Variants in LRRC20 observed in about 807,000 individuals in gnomAD.
The protein encoded by LRRC20 is leucine rich repeat containing 20.
LRRC20 carries 11 observed loss-of-function variants against 14.4 expected under a neutral mutation model. That is an observed-to-expected ratio of 0.77 (90% CI 0.48 to 1.27). The LOEUF is 1.27. Among genes scored for constraint, LRRC20 ranks in the 50% most tolerant of loss-of-function variants. The pLI is 0.00. For synonymous variants in LRRC20, 121 were observed against 107.3 expected (o/e 1.13, Z -0.79); for missense variants, 219 against 251.2 (o/e 0.87, Z 0.87).
chr10:70,367,549 A>C (rs1049102252), intron 2 of LRRC20, among the ~76,000 whole-genome samples: 1 of 152,104 alleles, frequency 6.6e-6, no homozygotes, highest in Admixed American at 6.6e-5. Flanking sequence ...TTCCCACCAA[A>C]CATGGATGAA....
chr10:70,375,890 T>C (rs1844490819), intron 2 of LRRC20, among the ~76,000 whole-genome samples: 1 of 152,202 alleles, frequency 6.6e-6, no homozygotes, highest in Non-Finnish European at 1.5e-5. Flanking sequence ...CTTAGGAGTC[T>C]TGGGGTAATT....
rs763267435 is a variant in LRRC20, at chr10:70,320,723, G to A, written c.400+3140C>T. Among the ~76,000 whole-genome samples, 8 of 152,266 alleles carry A rather than the reference G, an allele frequency of 5.3e-5. No individual in the cohort carries two copies. In the South Asian group the frequency reaches 8.3e-4, roughly 16 times the overall value. On this transcript the variant is annotated intron_variant, in intron 4 of 4. Coordinates refer to ENST00000446961, the MANE Select transcript of LRRC20 (RefSeq NM_001278212.2). ...CAAGGTGGCAACAAAAGCCATCCAC[G>A]TGCCACACAGACCTGAAACGTGAGG...
chr10:70,359,536 G>C (rs549764383), intron 2 of LRRC20, among the ~76,000 whole-genome samples: 1 of 152,264 alleles, frequency 6.6e-6, no homozygotes, highest in Admixed American at 6.5e-5. Flanking sequence ...GTGAGACCTT[G>C]TCTCAAAATT....
chr10:70,318,301 T>C (rs1006954408), intron 4 of LRRC20, among the ~76,000 whole-genome samples: 1 of 152,182 alleles, frequency 6.6e-6, no homozygotes, highest in Non-Finnish European at 1.5e-5. Context: ...GGCCAGGGAA[T>C]GTGCATTTCT....
chr10:70,336,295 C>T (rs1419277687), intron 3 of LRRC20, among the ~76,000 whole-genome samples: 1 of 152,170 alleles, frequency 6.6e-6, no homozygotes, highest in Non-Finnish European at 1.5e-5. Flanking sequence ...AATATACAAA[C>T]AGGCAATGAC....
At chr10:70,382,230 G>T (rs1211198292) in intron 1 of LRRC20, among the ~76,000 whole-genome samples, 1 of 152,222 alleles carries the variant, frequency 6.6e-6, no homozygotes. Flanking sequence ...GAGGAATGGA[G>T]GCCCGCCTGG....
At chr10:70,326,941 G>A (rs1185890804) in intron 3 of LRRC20, among the ~76,000 whole-genome samples, 1 of 152,218 alleles carries the variant, frequency 6.6e-6, no homozygotes, top group Non-Finnish European at 1.5e-5. Context: ...TTACAGGCGT[G>A]AGCCACCGCG....
In LRRC20 at chr10:70,369,934, G is replaced by A. The variant is rs570612140; in HGVS notation, c.82+6518C>T. Among the ~76,000 whole-genome samples the A allele has an allele frequency of 9.2e-5, 14 of 152,162 alleles. No individual in the cohort carries two copies. In the South Asian group the frequency reaches 2.9e-3, roughly 32 times the overall value. On this transcript the variant is annotated intron_variant, in intron 2 of 4. Coordinates refer to ENST00000446961, the MANE Select transcript of LRRC20 (RefSeq NM_001278212.2). ...ATCTCTGCTAAATATACAAAAGTTAGCTGGGCATGGTGGCAGGTGCCCAGC... is the reference window on the plus strand; with the variant it reads ...ATCTCTGCTAAATATACAAAAGTTAACTGGGCATGGTGGCAGGTGCCCAGC...
intron 3 of LRRC20, among the ~76,000 whole-genome samples, chr10:70,325,472 C>A (rs1842283399): frequency 6.6e-6 from 1 of 152,180 alleles, no homozygotes; most frequent in African/African-American, 2.4e-5. Context: ...CAGGGTGGAG[C>A]ACGCAGGCAA....
chr10:70,330,641 C>T (rs187615018), intron 3 of LRRC20, among the ~76,000 whole-genome samples: 131 of 152,292 alleles, frequency 8.6e-4, no homozygotes, highest in African/African-American at 3.0e-3. Flanking sequence ...GGAAGCATTC[C>T]ACAGAAAGGC....
Position 70,327,133 on chromosome 10 carries a change from C to T in LRRC20, c.233-3103G>A, listed in dbSNP as rs1400864100. Among the ~76,000 whole-genome samples, 6 of 152,148 alleles carry T rather than the reference C, an allele frequency of 3.9e-5. No homozygotes were observed. In the East Asian group the frequency reaches 9.6e-4, roughly 24 times the overall value. Reference sequence around the variant, plus strand: ...TCTTGGGGGTCATGGCCGATGCGGCCGTGGAAGCTAATGTGGGGGCTGTGA... The same window carrying T: ...TCTTGGGGGTCATGGCCGATGCGGCTGTGGAAGCTAATGTGGGGGCTGTGA... On this transcript the variant is annotated intron_variant, in intron 3 of 4. Transcript: ENST00000446961.
chr10:70,335,296 G>C (rs1187937133), intron 3 of LRRC20, among the ~76,000 whole-genome samples: 3 of 152,168 alleles, frequency 2.0e-5, no homozygotes, highest in Non-Finnish European at 2.9e-5. Context: ...AGTTCCACCA[G>C]GCTGTGTTAC....
chr10:70,308,746 G>A (rs970184586), intron 4 of LRRC20, among the ~76,000 whole-genome samples: 9 of 152,168 alleles, frequency 5.9e-5, no homozygotes, highest in Admixed American at 5.2e-4. Context: ...AAAAGACGCA[G>A]AGACAGGCTG....
intron 1 of LRRC20, among the ~76,000 whole-genome samples, chr10:70,381,181 G>A (rs1844692467): frequency 6.6e-6 from 1 of 152,212 alleles, no homozygotes; most frequent in Non-Finnish European, 1.5e-5. Flanking sequence ...TTGTAAAATG[G>A]AAATACCACC....
intron 1 of LRRC20, among the ~76,000 whole-genome samples, chr10:70,380,007 C>A (rs541241086): frequency 6.6e-6 from 1 of 152,162 alleles, no homozygotes; most frequent in African/African-American, 2.4e-5. Flanking sequence ...AGAGTTCAGG[C>A]GGTAATGCTT....
intron 3 of LRRC20, among the ~76,000 whole-genome samples, chr10:70,334,466 C>T (rs1842647644): frequency 6.6e-6 from 1 of 152,162 alleles, no homozygotes; most frequent in Non-Finnish European, 1.5e-5. Flanking sequence ...CCAGGGGACA[C>T]TCCCCGTCTC....
intron 2 of LRRC20, 138 bp downstream of exon 2, chr10:70,376,314 G>A: frequency 1.2e-6 from 1 of 839,542 alleles, no homozygotes; most frequent in South Asian, 1.6e-5. Flanking sequence ...ACACACTGTT[G>A]CAATGAAAGT....
At chr10:70,324,401 C>T (rs1842235257) in intron 3 of LRRC20, among the ~76,000 whole-genome samples, 1 of 152,228 alleles carries the variant, frequency 6.6e-6, no homozygotes, top group African/African-American at 2.4e-5. Context: ...CGGCCTCTCC[C>T]CCTCGGGGCT....
intron 4 of LRRC20, among the ~76,000 whole-genome samples, chr10:70,310,184 A>T (rs1841599565): frequency 6.6e-6 from 1 of 152,226 alleles, no homozygotes; most frequent in Non-Finnish European, 1.5e-5. Flanking sequence ...CAAGCCCAAG[A>T]AGGCAACTGG....
Sources: allele counts gnomAD v4.1 joint callset (sites outside exome capture counted in the v4.1 genomes callset), GRCh38; gene constraint gnomAD v4.1.1; transcripts MANE v1.5; gene names NCBI Gene and HGNC (gene_info 2026-07-23, HGNC 2026-07-21).